SORCS2: variants seen among roughly 807,000 people sequenced by gnomAD.
SORCS2 encodes sortilin related VPS10 domain containing receptor 2.
In SORCS2, 100 loss-of-function variants were observed where a neutral mutation model predicts 141.6. The ratio of observed to expected loss-of-function variants is 0.71; its 90% CI spans 0.60 to 0.83. The LOEUF (loss-of-function observed/expected upper bound fraction) is 0.83. SORCS2 is among the 40% of genes least tolerant of loss of function. The pLI is 0.00. For synonymous variants in SORCS2, 789 were observed against 676.9 expected (o/e 1.17, Z -2.57); for missense variants, 1,646 against 1,560.2 (o/e 1.05, Z -0.93).
chr4:7,369,428 G>A (rs940474199), intron 1 of SORCS2, among the ~76,000 whole-genome samples: 6 of 152,186 alleles, frequency 3.9e-5, no homozygotes, highest in African/African-American at 9.7e-5. Flanking sequence ...TGCCCACTAT[G>A]AGCTGGTCTC....
At chr4:7,701,631 G>T (rs734224) in intron 12 of SORCS2, among the ~76,000 whole-genome samples, 23,030 of 152,178 alleles carry the variant, frequency 0.15, 1,892 homozygotes, top group Middle Eastern at 0.22. Context: ...TGGGGGTCAG[G>T]GTACCTGCTG....
intron 2 of SORCS2, among the ~76,000 whole-genome samples, chr4:7,510,113 C>G (rs1054848980): frequency 6.6e-6 from 1 of 152,214 alleles, no homozygotes; most frequent in Non-Finnish European, 1.5e-5. Flanking sequence ...GAAAGTGTGG[C>G]GATGTCTTGT....
chr4:7,374,564 C>T (rs896466629), intron 1 of SORCS2, among the ~76,000 whole-genome samples: 56 of 152,244 alleles, frequency 3.7e-4, no homozygotes, highest in Non-Finnish European at 6.3e-4. Context: ...ACTCGATTCA[C>T]ACCATCTAGC....
intron 1 of SORCS2, among the ~76,000 whole-genome samples, chr4:7,217,337 G>C (rs185952575): frequency 7.2e-5 from 11 of 152,204 alleles, no homozygotes; most frequent in African/African-American, 2.4e-4. Flanking sequence ...GATGTCTGTG[G>C]GGTGGATGAG....
At chr4:7,613,793 G>A (rs887572692) in intron 3 of SORCS2, among the ~76,000 whole-genome samples, 1 of 151,470 alleles carries the variant, frequency 6.6e-6, no homozygotes, top group Admixed American at 6.6e-5. Context: ...TCTACCATGT[G>A]TCTACCAATC....
chr4:7,373,479 T>TATATAA (rs60434529), intron 1 of SORCS2, among the ~76,000 whole-genome samples: 173 of 15,492 alleles, frequency 0.011, 10 homozygotes, highest in African/African-American at 0.027. Context: ...TATATATATA[T>TATATAA]TTTTTTTTTT....
intron 1 of SORCS2, among the ~76,000 whole-genome samples, chr4:7,294,518 C>T (rs1365808579): frequency 6.6e-6 from 1 of 151,920 alleles, no homozygotes; most frequent in Non-Finnish European, 1.5e-5. Flanking sequence ...TCCTCCATGC[C>T]CCAGGGAGCT....
intron 15 of SORCS2, among the ~76,000 whole-genome samples, chr4:7,713,402 G>T (rs574878383): frequency 6.6e-6 from 1 of 152,154 alleles, no homozygotes; most frequent in East Asian, 1.9e-4. Context: ...GAACTGCTCG[G>T]GGGTGGGTGG....
At chr4:7,725,816 G>A (rs1323956933) in intron 20 of SORCS2, among the ~76,000 whole-genome samples, 1 of 152,190 alleles carries the variant, frequency 6.6e-6, no homozygotes, top group Non-Finnish European at 1.5e-5. Context: ...CACTCATTCA[G>A]CAAACAGCCC....
Position 7,729,670 on chromosome 4 carries a change from C to G in SORCS2, c.3066C>G (p.Pro1022=), listed in dbSNP as rs756401572. 12 of 1,608,872 alleles carry G rather than the reference C, an allele frequency of 7.5e-6. No homozygotes were observed. The Admixed American group carries it at 2.0e-4, about 27-fold the overall frequency. The part of the protein sequence containing the change: ...PTLADLYVLL[P]PPRPTRKRSL... The stretch of plus-strand genomic sequence containing the variant: ...TGGCCGATCTGTACGTGCTCCTGCC[C>G]CCTCCCAGGCCCACAAGGAAGAGGA... The change falls in exon 23 of 27, where the codon CCC becomes CCG. Residue 1022 remains proline (P), a synonymous_variant. Coordinates refer to ENST00000507866, the MANE Select transcript of SORCS2 (RefSeq NM_020777.3).
intron 1 of SORCS2, among the ~76,000 whole-genome samples, chr4:7,270,849 G>T (rs1332379051): frequency 6.6e-6 from 1 of 152,260 alleles, no homozygotes; most frequent in African/African-American, 2.4e-5. Flanking sequence ...GGGGAATGAA[G>T]TTCCTGGTTA....
At chr4:7,345,174 G>A (rs928196839) in intron 1 of SORCS2, among the ~76,000 whole-genome samples, 1 of 152,184 alleles carries the variant, frequency 6.6e-6, no homozygotes, top group Non-Finnish European at 1.5e-5. Context: ...AGCGGTAGAA[G>A]CTTGTTCCAG....
At chr4:7,636,362 C>T (rs374725707) in intron 3 of SORCS2, among the ~76,000 whole-genome samples, 3 of 152,132 alleles carry the variant, frequency 2.0e-5, no homozygotes, top group Non-Finnish European at 4.4e-5. Context: ...ACAAGTTTGT[C>T]GAATGAGGGA....
intron 24 of SORCS2, 24 bp from the exon 25 acceptor site, chr4:7,734,248 C>T (rs777669247): frequency 6.4e-7 from 1 of 1,560,810 alleles, no homozygotes; most frequent in Non-Finnish European, 8.7e-7. Flanking sequence ...CGAGGTCCTC[C>T]ACTGACAACC....
intron 18 of SORCS2, among the ~76,000 whole-genome samples, chr4:7,723,438 G>C (rs1164433410): frequency 6.6e-6 from 1 of 152,158 alleles, no homozygotes; most frequent in Middle Eastern, 3.4e-3. Context: ...CTCCCTCTCT[G>C]CCGCTGGGTG....
intron 11 of SORCS2, among the ~76,000 whole-genome samples, chr4:7,694,732 A>T (rs1038438568): frequency 6.6e-6 from 1 of 152,014 alleles, no homozygotes; most frequent in Non-Finnish European, 1.5e-5. Context: ...ATCGCTCAGC[A>T]CCTTTTGTTT....
chr4:7,631,799 A>G (rs79738365), intron 3 of SORCS2, among the ~76,000 whole-genome samples: 1,955 of 151,560 alleles, frequency 0.013, 42 homozygotes, highest in African/African-American at 0.044. Flanking sequence ...CCCTCTTCAC[A>G]GGGTCGGAAA....
chr4:7,485,878 C>A (rs962262337), intron 2 of SORCS2, among the ~76,000 whole-genome samples: 1 of 152,098 alleles, frequency 6.6e-6, no homozygotes, highest in African/African-American at 2.4e-5. Context: ...AGGCTCAGGG[C>A]GGGTAGACAG....
chr4:7,228,004 C>G (rs962218737), intron 1 of SORCS2, among the ~76,000 whole-genome samples: 1 of 152,176 alleles, frequency 6.6e-6, no homozygotes, highest in African/African-American at 2.4e-5. Context: ...AGCGGGAGCT[C>G]ATGGGTGGCA....
Sources: gnomAD v4.1 joint callset for allele counts (sites outside exome capture counted in the v4.1 genomes callset) on GRCh38, gnomAD v4.1.1 for gene constraint, MANE v1.5 for transcripts, NCBI Gene and HGNC (gene_info 2026-07-23, HGNC 2026-07-21) for gene names.